SYT17: variants seen among roughly 807,000 people sequenced by gnomAD.
SYT17 encodes the protein synaptotagmin 17.
SYT17 carries 22 observed loss-of-function variants against 46.7 expected under a neutral mutation model. That is an observed-to-expected ratio of 0.47 (90% CI 0.34 to 0.67). SYT17 has a LOEUF of 0.67. SYT17 is among the 30% of genes least tolerant of loss of function. The pLI, the probability that SYT17 is intolerant of heterozygous loss-of-function variation, is 0.01. For missense variants in SYT17, 519 were observed against 612.8 expected, an observed-to-expected ratio of 0.85 and a Z score of 1.62; for synonymous variants, 251 against 248.4, an observed-to-expected ratio of 1.01 and a Z score of -0.10.
intron 7 of SYT17, among the ~76,000 whole-genome samples, chr16:19,265,549 G>A (rs776268320): frequency 6.6e-6 from 1 of 152,174 alleles, no homozygotes; most frequent in Non-Finnish European, 1.5e-5. Flanking sequence ...AGGCTCATTA[G>A]CATTCAAGCT....
intron 4 of SYT17, among the ~76,000 whole-genome samples, chr16:19,182,395 T>C (rs1180860680): frequency 6.6e-6 from 1 of 152,206 alleles, no homozygotes; most frequent in Non-Finnish European, 1.5e-5. Flanking sequence ...GCCTGGACGA[T>C]AGAGCAAGAC....
At chr16:19,189,546 C>T (rs949192208) in intron 5 of SYT17, among the ~76,000 whole-genome samples, 7 of 152,054 alleles carry the variant, frequency 4.6e-5, no homozygotes, top group Non-Finnish European at 7.4e-5. Context: ...GATGGAGTCT[C>T]ATTATTTTGC....
chr16:19,236,685 T>G (rs912860049), intron 7 of SYT17, among the ~76,000 whole-genome samples: 9 of 152,036 alleles, frequency 5.9e-5, no homozygotes, highest in Admixed American at 5.9e-4. Context: ...CCAGGAGGGG[T>G]CAAACTCTGA....
chr16:19,168,416 C>T lies in SYT17; in HGVS notation c.-231C>T. The T allele has an allele frequency of 3.4e-6, 2 of 595,568 alleles. No individual in the cohort carries two copies. Among genetic ancestry groups the T allele is most frequent in the Non-Finnish European group, 5.8e-6 (2 of 347,794 alleles). The allele number at this position is 595,568 out of a possible 1,614,324, so 36.9% of individuals were successfully genotyped here. On this transcript the variant is annotated 5_prime_UTR_variant, in exon 1 of 8. Transcript: ENST00000355377. The surrounding 1 kb of genome is among the most constrained non-coding windows in gnomAD (Gnocchi z 6.9). ...GGGGGCCCTGGGCGCCCGATATCTC[C>T]GAACCGGGGAGGCGGCCCCGATTCC...
At chr16:19,179,203 C>T (rs1193304638) in intron 3 of SYT17, among the ~76,000 whole-genome samples, 1 of 152,158 alleles carries the variant, frequency 6.6e-6, no homozygotes, top group African/African-American at 2.4e-5. Context: ...TCATAGCCCA[C>T]TGCAGCCTCA....
At chr16:19,263,640 C>CAAAAAA (rs1157288423) in intron 7 of SYT17, among the ~76,000 whole-genome samples, 29 of 38,994 alleles carry the variant, frequency 7.4e-4, no homozygotes, top group East Asian at 9.3e-4. Context: ...AATTACAACT[C>CAAAAAA]AAAAAAAAAA....
intron 7 of SYT17, among the ~76,000 whole-genome samples, chr16:19,246,096 G>T (rs147795048): frequency 6.6e-6 from 1 of 151,480 alleles, no homozygotes; most frequent in African/African-American, 2.4e-5. Context: ...ACCTCTGCCT[G>T]CTGGGTTCAA....
intron 4 of SYT17, among the ~76,000 whole-genome samples, chr16:19,182,393 G>C: frequency 6.6e-6 from 1 of 152,194 alleles, no homozygotes; most frequent in Admixed American, 6.5e-5. Flanking sequence ...CAGCCTGGAC[G>C]ATAGAGCAAG....
At chr16:19,243,527 T>C (rs1007884598) in intron 7 of SYT17, among the ~76,000 whole-genome samples, 1 of 152,134 alleles carries the variant, frequency 6.6e-6, no homozygotes, top group Middle Eastern at 3.2e-3. Flanking sequence ...ATGCCTCATC[T>C]GGCTGGGCGC....
At chr16:19,173,600 T>G (rs750532584) in intron 3 of SYT17, 22 bp downstream of exon 3, 8 of 1,608,234 alleles carry the variant, frequency 5.0e-6, no homozygotes, top group Non-Finnish European at 6.8e-6. Context: ...TGCTCTGAAC[T>G]TCTCTGAAAT....
At chr16:19,202,871 A>G (rs2142746849) in intron 5 of SYT17, among the ~76,000 whole-genome samples, 1 of 152,228 alleles carries the variant, frequency 6.6e-6, no homozygotes, top group African/African-American at 2.4e-5. Flanking sequence ...GACTACAGGC[A>G]TGCACCACCA....
intron 5 of SYT17, among the ~76,000 whole-genome samples, chr16:19,217,458 G>T (rs760812175): frequency 2.0e-5 from 3 of 152,218 alleles, no homozygotes; most frequent in Admixed American, 2.0e-4. Context: ...TTTTATCAAT[G>T]GAACTGTACA....
At chr16:19,218,233 C>G (rs548344910) in intron 5 of SYT17, among the ~76,000 whole-genome samples, 46 of 152,294 alleles carry the variant, frequency 3.0e-4, no homozygotes, top group South Asian at 2.5e-3. Context: ...GGACCTAGTA[C>G]CTGTTACATG....
At position 19,180,525 on chromosome 16, in the gene SYT17, C is replaced by T. The variant is rs1246780781; in HGVS notation, c.317C>T (p.Thr106Met). Residue 106 changes from threonine to methionine, a missense_variant, in exon 4 of 8, where the codon ACG (threonine) becomes ATG (methionine). Coordinates refer to ENST00000355377, the MANE Select transcript of SYT17 (RefSeq NM_016524.4). ...SDTSKSTYSLTRRISSLESRR... is the reference protein window; with the variant it reads ...SDTSKSTYSLMRRISSLESRR... ...ACATCCAAGTCTACATACAGCCTGA[C>T]GCGGAGGATTTCGAGTAAGTATCTC... 4.3e-6 allele frequency: 7 copies of T among 1,613,992 alleles called. No homozygotes were observed. Among genetic ancestry groups the T allele is most frequent in the East Asian group, 2.2e-5 (1 of 44,882 alleles).
chr16:19,181,546 T>G (rs561445815), intron 4 of SYT17, among the ~76,000 whole-genome samples: 20 of 152,274 alleles, frequency 1.3e-4, no homozygotes, highest in Admixed American at 5.2e-4. Context: ...GCCTCAGTCT[T>G]CCCATTTGTA....
intron 4 of SYT17, among the ~76,000 whole-genome samples, chr16:19,182,858 A>G (rs1420065888): frequency 6.6e-6 from 1 of 152,260 alleles, no homozygotes; most frequent in Non-Finnish European, 1.5e-5. Flanking sequence ...CTACGGGCAC[A>G]TTCTGTGCCA....
rs769892017 is a variant in SYT17, at chr16:19,183,622, G to A, written c.426G>A (p.Ser142=). The A allele has an allele frequency of 1.8e-5, 29 of 1,613,992 alleles. No individual in the cohort carries two copies. Among genetic ancestry groups the A allele is most frequent in the East Asian group, 2.2e-5 (1 of 44,882 alleles). ...CCAAGAAGGAGCCCATCCAACCTTC[G>A]GTGCTCAGACGGACCTATAACCCCG... The part of the protein sequence containing the change: ...LSAKKEPIQP[S]VLRRTYNPDD... Residue 142 remains serine, a synonymous_variant, in exon 5 of 8, where the codon TCG becomes TCA. Transcript: ENST00000355377. The surrounding 1 kb of genome is among the most constrained non-coding windows in gnomAD (Gnocchi z 5.6).
At chr16:19,175,357 CAA>C (rs1000164000) in intron 3 of SYT17, among the ~76,000 whole-genome samples, 1 of 151,710 alleles carries the variant, frequency 6.6e-6, no homozygotes, top group African/African-American at 2.4e-5. Flanking sequence ...ACTCATTAAT[CAA>C]GAGATAATTC....
chr16:19,190,916 C>T (rs564558251), intron 5 of SYT17, among the ~76,000 whole-genome samples: 26 of 152,050 alleles, frequency 1.7e-4, no homozygotes, highest in African/African-American at 6.0e-4. Context: ...CTGCTATGAA[C>T]ATGGGTGTGC....
Sources: allele counts gnomAD v4.1 joint callset (sites outside exome capture counted in the v4.1 genomes callset), GRCh38; gene constraint gnomAD v4.1.1; non-coding constraint Gnocchi (gnomAD v3.1); transcripts MANE v1.5; gene names NCBI Gene and HGNC (gene_info 2026-07-23, HGNC 2026-07-21).